CPLANE1: variants seen among roughly 807,000 people sequenced by gnomAD.
CPLANE1 encodes the protein ciliogenesis and planar polarity effector 1.
A neutral mutation model predicts 362.5 loss-of-function variants in CPLANE1; 263 were observed. The observed-to-expected ratio is 0.73, with a 90% CI of 0.66 to 0.80. CPLANE1 has a LOEUF of 0.80. Ranked by LOEUF, CPLANE1 falls within the 30% of genes least tolerant of loss-of-function variation. The probability of loss-of-function intolerance (pLI) is 0.00; values close to 1 mark genes in which losing one functional copy is unlikely to be tolerated. For synonymous variants in CPLANE1, 1,212 were observed against 1,302.6 expected, an observed-to-expected ratio of 0.93 and a Z score of 1.50; for missense variants, 3,461 against 3,793.4, an observed-to-expected ratio of 0.91 and a Z score of 2.30.
intron 47 of CPLANE1, among the ~76,000 whole-genome samples, chr5:37,123,578 T>C (rs1480495975): frequency 1.3e-5 from 2 of 152,250 alleles, no homozygotes; most frequent in East Asian, 3.8e-4. Flanking sequence ...GTGCACTCTG[T>C]TGCCCAGGCA....
chr5:37,091,778 G>C, the CPLANE1 span, among the ~76,000 whole-genome samples: 1,218 of 152,208 alleles, frequency 8.0e-3, 11 homozygotes, highest in Non-Finnish European at 0.013. Context: ...GGTCCTCTTT[G>C]AATTCCAGCA....
chr5:37,088,722 G>C, the CPLANE1 span, among the ~76,000 whole-genome samples: 2 of 152,178 alleles, frequency 1.3e-5, no homozygotes, highest in African/African-American at 4.8e-5. Context: ...ACCACAGGGA[G>C]CACAGGACTG....
At chr5:37,080,793 T>C in the CPLANE1 span, among the ~76,000 whole-genome samples, 1 of 152,156 alleles carries the variant, frequency 6.6e-6, no homozygotes, top group Non-Finnish European at 1.5e-5. Context: ...TGAAGAATTG[T>C]GCCCTAGAGT....
At chr5:37,193,220 C>G (rs1216784945) in intron 21 of CPLANE1, among the ~76,000 whole-genome samples, 3 of 151,950 alleles carry the variant, frequency 2.0e-5, no homozygotes, top group Non-Finnish European at 4.4e-5. Context: ...ACTACATATA[C>G]TGAAGTACTT....
chr5:37,201,805 G>C lies in CPLANE1; in HGVS notation c.3293C>G (p.Pro1098Arg). ...CAGATTTGCATCTTCCTCTTCAATG[G>C]GATCTATCAAATACAAAAATTTGGT... Reference protein sequence around the residue: ...MGSKYKQFTDPIEEEDANLLF... With the variant: ...MGSKYKQFTDRIEEEDANLLF... The change falls in exon 19 of 53, where the codon CCC becomes CGC. Residue 1098 changes from proline to arginine, a missense_variant. Pro to Arg is a moderately radical substitution (Grantham distance 103, BLOSUM62 -2). Transcript: ENST00000651892. 6.2e-7 allele frequency: 1 copy of C among 1,600,370 alleles called. No homozygotes were observed. Among genetic ancestry groups the C allele is most frequent in the Non-Finnish European group, 8.5e-7 (1 of 1,170,860 alleles).
chr5:37,180,246 T>C, intron 27 of CPLANE1, 63 bp from the exon 28 acceptor site: 2 of 1,188,568 alleles, frequency 1.7e-6, no homozygotes, highest in Non-Finnish European at 2.2e-6. Context: ...AATTCAGTTT[T>C]GGGTTTTTTT....
chr5:37,092,076 A>G, the CPLANE1 span, among the ~76,000 whole-genome samples: 1 of 152,188 alleles, frequency 6.6e-6, no homozygotes, highest in East Asian at 1.9e-4. Context: ...CTTTGTCTGC[A>G]AACTGTACCT....
rs181672775 is a variant in CPLANE1 at position 37,233,501 on chromosome 5, G to A, written c.939-2452C>T. Among the ~76,000 whole-genome samples the A allele has an allele frequency of 1.0e-3, 153 of 152,128 alleles. 1 individual carries two copies. Among genetic ancestry groups the A allele is most frequent in the African/African-American group, 3.4e-3 (143 of 41,498 alleles). Reference sequence around the variant, plus strand: ...GGCTGCAGTCACCACCCAACTCAGGGAACAGGGGAGACCAAGCTCTCCGAA... The same window carrying A: ...GGCTGCAGTCACCACCCAACTCAGGAAACAGGGGAGACCAAGCTCTCCGAA... On this transcript the variant is annotated intron_variant, in intron 8 of 52. Transcript: ENST00000651892.
intron 36 of CPLANE1, 29 bp from the exon 37 acceptor site, chr5:37,164,356 T>C (rs571844743): frequency 4.5e-6 from 7 of 1,569,346 alleles, no homozygotes; most frequent in Middle Eastern, 1.7e-4. Context: ...GATTACTCTA[T>C]GATTAACTCA....
chr5:37,221,299 CAAAG>C lies in CPLANE1; in HGVS notation c.2746+21_2746+24del, dbSNP rs763133379. 13 of 1,437,056 alleles carry C rather than the reference CAAAG, an allele frequency of 9.0e-6. 1 individual carries two copies. In the South Asian group the frequency reaches 1.3e-4, roughly 15 times the overall value. The allele number at this position is 1,437,056 out of a possible 1,614,324, so 89.0% of individuals were successfully genotyped here. ...GAGACCCTGTCTCTTTTTAAAAATACAAAGAAAGAAAAAAAAAAGCATACCTGAA... is the reference window on the plus strand; with the variant it reads ...GAGACCCTGTCTCTTTTTAAAAATACAAAGAAAAAAAAAAGCATACCTGAA... On this transcript the variant is annotated intron_variant, in intron 15 of 52. Coordinates refer to ENST00000651892, the MANE Select transcript of CPLANE1 (RefSeq NM_001384732.1).
In CPLANE1 at chr5:37,107,361, A is replaced by C; in HGVS notation, c.*241T>G. The C allele has an allele frequency of 8.2e-7, 1 of 1,219,196 alleles. No individual in the cohort carries two copies. Among genetic ancestry groups the C allele is most frequent in the Non-Finnish European group, 1.0e-6 (1 of 978,886 alleles). The allele number at this position is 1,219,196 out of a possible 1,614,324, so 75.5% of individuals were successfully genotyped here. A position where few individuals can be genotyped will look rare whatever the true frequency, so the allele number is the denominator to read the frequency against. ...CTTATCATTTTAAAAATTATGCCTA[A>C]TGATGCATCAAATACAAAAACATAT... On this transcript the variant is annotated 3_prime_UTR_variant, in exon 53 of 53. Transcript: ENST00000651892.
chr5:37,215,573 T>C (rs1793817308), intron 15 of CPLANE1, among the ~76,000 whole-genome samples: 1 of 152,092 alleles, frequency 6.6e-6, no homozygotes, highest in African/African-American at 2.4e-5. Flanking sequence ...CCCTGTGATG[T>C]TCAATGGTCA....
intron 4 of CPLANE1, among the ~76,000 whole-genome samples, 156 bp downstream of exon 4, chr5:37,245,297 CTATATATATATATATATATATATATA>C (rs57781968): frequency 0.02 from 1,178 of 59,706 alleles, 52 homozygotes; most frequent in African/African-American, 0.05. Context: ...ATAACCAAAA[CTATATATATATATATATATATATATA>C]TATATATATA....
At position 37,224,345 on chromosome 5, in the gene CPLANE1, T is replaced by G; in HGVS notation, c.2501-12A>C. On this transcript the variant is annotated splice_polypyrimidine_tract_variant and intron_variant, in intron 13 of 52. Coordinates refer to ENST00000651892, the MANE Select transcript of CPLANE1 (RefSeq NM_001384732.1). The stretch of plus-strand genomic sequence containing the variant: ...AAAACATTCTTCCCCTAGAAAGTTT[T>G]TAACCAACAATTAGTCATAGTTAAT... 6.6e-7 allele frequency: 1 copy of G among 1,522,202 alleles called. No individual in the cohort carries two copies. Among genetic ancestry groups the G allele is most frequent in the Non-Finnish European group, 8.9e-7 (1 of 1,125,184 alleles). The allele number at this position is 1,522,202 out of a possible 1,614,324, so 94.3% of individuals were successfully genotyped here.
chr5:37,224,244 C>T lies in CPLANE1; in HGVS notation c.2581+9G>A. ...ATATTATGGCACATATTTTTTAACA[C>T]TCTCTTACCTTTCTCTTCGATTTCT... On this transcript the variant is annotated intron_variant, in intron 14 of 52. Transcript: ENST00000651892. The T allele has an allele frequency of 1.3e-6, 2 of 1,534,516 alleles. No individual in the cohort carries two copies. The highest frequency in any genetic ancestry group is 2.5e-5 in the East Asian group (1 of 40,690).
intron 16 of CPLANE1, chr5:37,212,092 GAA>G: frequency 2.2e-6 from 2 of 914,104 alleles, no homozygotes; most frequent in Non-Finnish European, 3.7e-6. Flanking sequence ...GAAAGGGAAA[GAA>G]GAGAACTAGA....
chr5:37,107,804 G>A, intron 52 of CPLANE1, 26 bp from the exon 53 acceptor site: 1 of 1,535,848 alleles, frequency 6.5e-7, no homozygotes, highest in Non-Finnish European at 8.8e-7. Context: ...GACAATTGTG[G>A]TCCTAGCCCC....
chr5:37,174,506 C>A (rs1231870844), intron 31 of CPLANE1, among the ~76,000 whole-genome samples: 1 of 151,576 alleles, frequency 6.6e-6, no homozygotes, highest in Non-Finnish European at 1.5e-5. Flanking sequence ...GTACCATAAA[C>A]CCTAATAAAA....
downstream of CPLANE1, among the ~76,000 whole-genome samples, chr5:37,105,286 T>A (rs970719354): frequency 1.4e-4 from 21 of 151,872 alleles, no homozygotes; most frequent in Admixed American, 7.9e-4. Context: ...GAGAACAAAG[T>A]GAGATCCTGT....
Sources: gnomAD v4.1 joint callset for allele counts (sites outside exome capture counted in the v4.1 genomes callset) on GRCh38, gnomAD v4.1.1 for gene constraint, MANE v1.5 for transcripts, NCBI Gene and HGNC (gene_info 2026-07-23, HGNC 2026-07-21) for gene names.